Variants in PCDHA4 observed in about 807,000 individuals in gnomAD.
The protein encoded by PCDHA4 is protocadherin alpha-4.
A neutral mutation model predicts 61.4 loss-of-function variants in PCDHA4; 49 were observed. The ratio of observed to expected loss-of-function variants is 0.80; its 90% confidence interval spans 0.63 to 1.01. The LOEUF (loss-of-function observed/expected upper bound fraction) is 1.01, where lower values mean the gene tolerates loss of function less well. Among genes scored for constraint, PCDHA4 ranks in the 50% least tolerant of loss-of-function variants. The probability of loss-of-function intolerance (pLI) is 0.00; values close to 1 mark genes in which losing one functional copy is unlikely to be tolerated. For synonymous variants in PCDHA4, 590 were observed against 550.3 expected (o/e 1.07, Z -1.01); for missense variants, 1,254 against 1,235.8 (o/e 1.01, Z -0.22).
intron 3 of PCDHA4, among the ~76,000 whole-genome samples, chr5:140,984,073 G>A (rs1294401230): frequency 4.6e-5 from 7 of 152,222 alleles, no homozygotes; most frequent in Non-Finnish European, 7.3e-5. Context: ...CAGTGCCAAC[G>A]ATGGAGTGAA....
intron 1 of PCDHA4, among the ~76,000 whole-genome samples, chr5:140,945,881 A>C (rs1334626828): frequency 6.6e-6 from 1 of 152,158 alleles, no homozygotes; most frequent in African/African-American, 2.4e-5. Flanking sequence ...AAAACTAACA[A>C]AGAAAACACA....
Position 140,835,992 on chromosome 5 carries a change from G to A in PCDHA4, c.2385+26420G>A, listed in dbSNP as rs2150249786. 2.2e-5 allele frequency: 35 copies of A among 1,613,332 alleles called. No homozygotes were observed. The African/African-American group carries it at 4.4e-4, about 20-fold the overall frequency. ...GGAGCTGTTGCAGTTCCAGGTGAGC[G>A]CGCGCGATGCGGGCGTGCCGCCTCT... On this transcript the variant is annotated intron_variant, in intron 1 of 3. Transcript: ENST00000530339.
intron 3 of PCDHA4, among the ~76,000 whole-genome samples, chr5:140,985,628 T>C (rs1399381029): frequency 6.6e-6 from 1 of 152,116 alleles, no homozygotes; most frequent in Non-Finnish European, 1.5e-5. Flanking sequence ...TGTGTATTGC[T>C]CTTCTCATCC....
chr5:140,835,710 G>A (rs1773867505), intron 1 of PCDHA4: 1 of 1,613,842 alleles, frequency 6.2e-7, no homozygotes, highest in Non-Finnish European at 8.5e-7. Context: ...TAGCGTGTCC[G>A]TGGAGGTGGC....
At chr5:140,890,753 C>G (rs1274674281) in intron 1 of PCDHA4, among the ~76,000 whole-genome samples, 1 of 152,114 alleles carries the variant, frequency 6.6e-6, no homozygotes, top group African/African-American at 2.4e-5. Context: ...TTCTGTCATG[C>G]TTTAAAAATA....
At chr5:140,990,821 G>T (rs890499969) in intron 3 of PCDHA4, among the ~76,000 whole-genome samples, 1 of 152,172 alleles carries the variant, frequency 6.6e-6, no homozygotes, top group East Asian at 1.9e-4. Flanking sequence ...CCTTCTCTCA[G>T]CTAAAGCCTA....
Position 140,883,090 on chromosome 5 carries a change from T to C in PCDHA4, c.2385+73518T>C, listed in dbSNP as rs550322124. On this transcript the variant is annotated intron_variant, in intron 1 of 3. Transcript: ENST00000530339. ...CCACAGATCCTGATGATGGTACAAA[T>C]GGAGATATAGTTTACTCATTTAGAA... The C allele has an allele frequency of 1.4e-4, 226 of 1,614,138 alleles. 1 individual carries two copies. In the South Asian group the frequency reaches 2.4e-3, roughly 17 times the overall value.
At chr5:140,972,660 A>ATTTTTT (rs11350929) in intron 1 of PCDHA4, among the ~76,000 whole-genome samples, 2 of 117,268 alleles carry the variant, frequency 1.7e-5, no homozygotes, top group African/African-American at 3.3e-5. Context: ...AAGAAACCAA[A>ATTTTTT]TTTTTTTTTT....
intron 1 of PCDHA4, chr5:140,834,600 G>T: frequency 6.2e-7 from 1 of 1,614,148 alleles, no homozygotes; most frequent in Non-Finnish European, 8.5e-7. Context: ...ATTCCGTGGG[G>T]ATCTTCTGGA....
chr5:140,995,314 G>A (rs2097676013), intron 3 of PCDHA4, among the ~76,000 whole-genome samples: 1 of 152,140 alleles, frequency 6.6e-6, no homozygotes, highest in Admixed American at 6.5e-5. Context: ...CTTTCTAAGT[G>A]AACTAACAGG....
At chr5:140,966,955 C>T in intron 1 of PCDHA4, 1 of 1,602,734 alleles carries the variant, frequency 6.2e-7, no homozygotes, top group East Asian at 2.2e-5. Context: ...ACGTGGCTCG[C>T]GCGCTGGGGC....
intron 1 of PCDHA4, chr5:140,884,522 C>T: frequency 6.2e-7 from 1 of 1,614,058 alleles, no homozygotes. Flanking sequence ...GTCGTACTCG[C>T]AGCAGAGGCG....
chr5:140,876,596 C>T (rs1361945795), intron 1 of PCDHA4: 1 of 1,614,040 alleles, frequency 6.2e-7, no homozygotes, highest in East Asian at 2.2e-5. Flanking sequence ...ATTAGCGTGT[C>T]GGATCGTGAC....
At chr5:140,833,622 A>T (rs2150209848) in intron 1 of PCDHA4, among the ~76,000 whole-genome samples, 1 of 152,190 alleles carries the variant, frequency 6.6e-6, no homozygotes, top group East Asian at 1.9e-4. Context: ...AATTCAGAAT[A>T]CTTCCTCCTC....
Position 140,807,164 on chromosome 5 carries a change from A to C in PCDHA4, c.-24A>C, listed in dbSNP as rs1554123761. 6 of 1,595,068 alleles carry C rather than the reference A, an allele frequency of 3.8e-6. No homozygotes were observed. Reference sequence around the variant, plus strand: ...TGACTTTGAGAAACGATATTTAATCAGAACAAAATACTGTGCACTAAAGAT... The same window carrying C: ...TGACTTTGAGAAACGATATTTAATCCGAACAAAATACTGTGCACTAAAGAT... On this transcript the variant is annotated 5_prime_UTR_variant, in exon 1 of 4. Transcript: ENST00000530339.
intron 3 of PCDHA4, among the ~76,000 whole-genome samples, chr5:141,005,117 C>A (rs2098198148): frequency 6.6e-6 from 1 of 152,214 alleles, no homozygotes; most frequent in South Asian, 2.1e-4. Flanking sequence ...TCTTTAGGGA[C>A]CCCAAAAGTG....
intron 1 of PCDHA4, among the ~76,000 whole-genome samples, chr5:140,890,310 G>C (rs1554184247): frequency 6.6e-6 from 1 of 152,160 alleles, no homozygotes; most frequent in African/African-American, 2.4e-5. Context: ...GTAATATTAA[G>C]TTGTTTTAAG....
intron 1 of PCDHA4, among the ~76,000 whole-genome samples, chr5:140,923,613 G>GT (rs2081443569): frequency 6.6e-6 from 1 of 152,146 alleles, no homozygotes; most frequent in South Asian, 2.1e-4. Context: ...TGTTTATCTG[G>GT]TCATCTTATC....
chr5:140,844,007 T>C (rs1779179285), intron 1 of PCDHA4, among the ~76,000 whole-genome samples: 1 of 149,710 alleles, frequency 6.7e-6, no homozygotes, highest in African/African-American at 2.4e-5. Flanking sequence ...AACAATACTC[T>C]AAGGACGTTC....
Sources: allele counts gnomAD v4.1 joint callset (sites outside exome capture counted in the v4.1 genomes callset), GRCh38; gene constraint gnomAD v4.1.1; transcripts MANE v1.5; gene names NCBI Gene and HGNC (gene_info 2026-07-23, HGNC 2026-07-21).